AMPH: variants seen among roughly 807,000 people sequenced by gnomAD.
AMPH encodes the protein amphiphysin, also known as amphiphysin (Stiff-Mann syndrome with breast cancer 128kD autoantigen).
A neutral mutation model predicts 99.1 loss-of-function variants in AMPH; 49 were observed. That is an observed-to-expected ratio of 0.49 (90% CI 0.39 to 0.63). The LOEUF is 0.63. AMPH is among the 20% of genes least tolerant of loss of function. The pLI is 0.00. For synonymous variants in AMPH, 314 were observed against 317.3 expected (o/e 0.99, Z 0.11); for missense variants, 759 against 863.4 (o/e 0.88, Z 1.52).
At chr7:38,511,645 C>G (rs1028584704) in intron 2 of AMPH, among the ~76,000 whole-genome samples, 19 of 152,124 alleles carry the variant, frequency 1.2e-4, no homozygotes, top group African/African-American at 4.6e-4. Flanking sequence ...AGTTTTCTCA[C>G]GTAAAACAGA....
At chr7:38,449,437 T>C (rs1584106929) in intron 11 of AMPH, among the ~76,000 whole-genome samples, 2 of 152,344 alleles carry the variant, frequency 1.3e-5, no homozygotes, top group East Asian at 1.9e-4. Flanking sequence ...AAGGTTAAAC[T>C]GAATGAGACC....
chr7:38,513,229 G>C (rs1789607797), intron 2 of AMPH, among the ~76,000 whole-genome samples: 1 of 152,064 alleles, frequency 6.6e-6, no homozygotes, highest in Non-Finnish European at 1.5e-5. Flanking sequence ...GAGCTCAGTG[G>C]CCACATTCTC....
In AMPH at chr7:38,597,154, A is replaced by G. The variant is rs192316275; in HGVS notation, c.69+34129T>C. Among the ~76,000 whole-genome samples the G allele has an allele frequency of 5.7e-3, 872 of 152,110 alleles. 6 individuals carry two copies. Among genetic ancestry groups the G allele is most frequent in the African/African-American group, 0.019 (800 of 41,476 alleles). On this transcript the variant is annotated intron_variant, in intron 1 of 20. Coordinates refer to ENST00000356264, the MANE Select transcript of AMPH (RefSeq NM_001635.4). ...ATTAAAGTAAACTAAAAGGGCAGGG[A>G]AAAAAAACAGCCCATGGTTTTCATA...
intron 1 of AMPH, among the ~76,000 whole-genome samples, chr7:38,581,883 TA>T (rs1357008459): frequency 1.3e-5 from 2 of 152,028 alleles, no homozygotes; most frequent in Non-Finnish European, 2.9e-5. Context: ...AAAACGACTA[TA>T]GGGGGAAGAG....
At chr7:38,482,285 A>G (rs1474928000) in intron 5 of AMPH, among the ~76,000 whole-genome samples, 2 of 152,100 alleles carry the variant, frequency 1.3e-5, no homozygotes, top group Non-Finnish European at 2.9e-5. Context: ...CTTAACGTAT[A>G]TTTACCTTAC....
At chr7:38,494,310 A>C in intron 4 of AMPH, 123 bp downstream of exon 4, 2 of 816,908 alleles carry the variant, frequency 2.4e-6, no homozygotes, top group East Asian at 2.5e-5. Flanking sequence ...AGAACTGCAC[A>C]GTGCCTTCTG....
chr7:38,584,804 G>A (rs1792587506), intron 1 of AMPH, among the ~76,000 whole-genome samples: 2 of 152,312 alleles, frequency 1.3e-5, no homozygotes, highest in East Asian at 1.9e-4. Context: ...TGAGCAGATG[G>A]AGCTGAAATC....
At chr7:38,474,300 G>C (rs901332862) in intron 7 of AMPH, among the ~76,000 whole-genome samples, 3 of 152,058 alleles carry the variant, frequency 2.0e-5, no homozygotes, top group African/African-American at 7.2e-5. Context: ...AAGAAATGCA[G>C]ATGTAGAGAG....
chr7:38,518,257 C>T (rs1789825940), intron 2 of AMPH, among the ~76,000 whole-genome samples: 1 of 152,224 alleles, frequency 6.6e-6, no homozygotes, highest in African/African-American at 2.4e-5. Flanking sequence ...GCTTGGAACT[C>T]AGGCAGAAAC....
intron 2 of AMPH, among the ~76,000 whole-genome samples, chr7:38,529,402 T>C (rs563316305): frequency 3.3e-5 from 5 of 152,348 alleles, no homozygotes; most frequent in South Asian, 2.1e-4. Context: ...CTGGCATCAC[T>C]TGGGAACTTG....
At chr7:38,484,107 G>GTT (rs1396900663) in intron 5 of AMPH, among the ~76,000 whole-genome samples, 20 of 152,214 alleles carry the variant, frequency 1.3e-4, no homozygotes, top group Admixed American at 1.3e-3. Flanking sequence ...AGTGAAAACA[G>GTT]TTTAAGGGAT....
intron 17 of AMPH, among the ~76,000 whole-genome samples, chr7:38,407,296 G>GAGAT (rs147597297): frequency 0.21 from 30,509 of 142,322 alleles, 3,575 homozygotes; most frequent in East Asian, 0.41. Flanking sequence ...TCTATATAGA[G>GAGAT]AGAGAGAGAG....
chr7:38,524,626 G>A (rs200930430), intron 2 of AMPH, among the ~76,000 whole-genome samples: 3 of 150,556 alleles, frequency 2.0e-5, no homozygotes, highest in Admixed American at 1.3e-4. Context: ...ATGGAGGCAT[G>A]GAAGCATTCA....
chr7:38,477,271 G>T (rs1198795255), intron 5 of AMPH, among the ~76,000 whole-genome samples: 1 of 152,070 alleles, frequency 6.6e-6, no homozygotes, highest in Non-Finnish European at 1.5e-5. Context: ...GTCAGGGAGA[G>T]AAGGCAAAAC....
chr7:38,553,480 C>A (rs931439692), intron 1 of AMPH, among the ~76,000 whole-genome samples: 6 of 152,122 alleles, frequency 3.9e-5, no homozygotes, highest in Admixed American at 3.3e-4. Flanking sequence ...TACATAGTCA[C>A]GGAATAAAAA....
intron 1 of AMPH, among the ~76,000 whole-genome samples, chr7:38,626,660 A>G (rs919416126): frequency 6.6e-6 from 1 of 152,226 alleles, no homozygotes; most frequent in Non-Finnish European, 1.5e-5. Context: ...CTAAAACACC[A>G]AAAGCAATTG....
chr7:38,443,831 G>A (rs73352646), intron 11 of AMPH, among the ~76,000 whole-genome samples: 6,561 of 151,530 alleles, frequency 0.043, 466 homozygotes, highest in African/African-American at 0.15. Context: ...TATTCTGGTG[G>A]TACAAGAATG....
chr7:38,557,310 C>G (rs915229918), intron 1 of AMPH, among the ~76,000 whole-genome samples: 3 of 152,118 alleles, frequency 2.0e-5, no homozygotes, highest in Non-Finnish European at 1.5e-5. Flanking sequence ...TGGCAGTGTC[C>G]CCACCCAAAT....
At chr7:38,584,942 C>T (rs1196953571) in intron 1 of AMPH, among the ~76,000 whole-genome samples, 1 of 152,194 alleles carries the variant, frequency 6.6e-6, no homozygotes, top group African/African-American at 2.4e-5. Flanking sequence ...AAGCTTTAAA[C>T]AAAAATTTCC....
Sources: allele counts gnomAD v4.1 joint callset (sites outside exome capture counted in the v4.1 genomes callset), GRCh38; gene constraint gnomAD v4.1.1; transcripts MANE v1.5; gene names NCBI Gene and HGNC (gene_info 2026-07-23, HGNC 2026-07-21).